Variants in LRRC7 observed in about 807,000 individuals in gnomAD.
The protein encoded by LRRC7 is leucine rich repeat containing 7.
A neutral mutation model predicts 175.7 loss-of-function variants in LRRC7; 23 were observed. That is an observed-to-expected ratio of 0.13 (90% CI 0.09 to 0.19). The LOEUF is 0.19. Ranked by LOEUF, LRRC7 falls within the 10% of genes least tolerant of loss-of-function variation. LRRC7 has a pLI of 1.00. For synonymous variants in LRRC7, 685 were observed against 680.9 expected, an observed-to-expected ratio of 1.01 and a Z score of -0.09; for missense variants, 1,354 against 1,904.7, an observed-to-expected ratio of 0.71 and a Z score of 5.38.
chr1:69,836,125 A>G (rs988082936), intron 6 of LRRC7, among the ~76,000 whole-genome samples: 1 of 152,060 alleles, frequency 6.6e-6, no homozygotes, highest in Non-Finnish European at 1.5e-5. Flanking sequence ...TGTTGACTGA[A>G]GCTCGCACAG....
intron 2 of LRRC7, among the ~76,000 whole-genome samples, chr1:69,684,699 C>T (rs998890189): frequency 2.0e-5 from 3 of 151,958 alleles, no homozygotes; most frequent in African/African-American, 7.3e-5. Flanking sequence ...GGACTGCATA[C>T]CAGAGAGGCT....
chr1:69,604,004 T>A (rs867081566), intron 1 of LRRC7, among the ~76,000 whole-genome samples: 1 of 152,110 alleles, frequency 6.6e-6, no homozygotes, highest in Non-Finnish European at 1.5e-5. Flanking sequence ...ATGAATAGTG[T>A]AAAAAATTCG....
At chr1:69,853,746 T>C (rs191353095) in intron 7 of LRRC7, among the ~76,000 whole-genome samples, 66 of 152,198 alleles carry the variant, frequency 4.3e-4, no homozygotes, top group African/African-American at 1.3e-3. Context: ...ACTCAGCTGA[T>C]TTAGGGAAGC....
chr1:69,602,111 G>T (rs1330007229), intron 1 of LRRC7, among the ~76,000 whole-genome samples: 1 of 152,176 alleles, frequency 6.6e-6, no homozygotes, highest in Non-Finnish European at 1.5e-5. Flanking sequence ...TTGAGACTCA[G>T]TTACTTTTAT....
chr1:69,762,375 C>G (rs561537065), intron 3 of LRRC7, among the ~76,000 whole-genome samples: 3 of 151,982 alleles, frequency 2.0e-5, no homozygotes, highest in Non-Finnish European at 2.9e-5. Flanking sequence ...AAAACTGAAG[C>G]ATTAGAGGCA....
intron 3 of LRRC7, among the ~76,000 whole-genome samples, chr1:69,772,379 A>G (rs2100989228): frequency 6.6e-6 from 1 of 152,238 alleles, no homozygotes; most frequent in Admixed American, 6.5e-5. Context: ...GAATGAAGGG[A>G]AGAGTGGTAC....
At chr1:69,678,500 A>G in intron 2 of LRRC7, 22 bp downstream of exon 2, 2 of 1,550,528 alleles carry the variant, frequency 1.3e-6, no homozygotes, top group Non-Finnish European at 1.8e-6. Flanking sequence ...TAATAGGATT[A>G]CCTGTGTTCT....
chr1:70,091,923 G>A (rs998866956), intron 25 of LRRC7, among the ~76,000 whole-genome samples: 5 of 152,108 alleles, frequency 3.3e-5, no homozygotes, highest in African/African-American at 7.2e-5. Context: ...GCAACTAGGA[G>A]TTCCAAATCT....
intron 7 of LRRC7, among the ~76,000 whole-genome samples, chr1:69,871,340 A>G (rs1402190141): frequency 5.9e-5 from 9 of 152,044 alleles, no homozygotes; most frequent in Non-Finnish European, 8.8e-5. Context: ...AATAATCTAT[A>G]TGCCCTATGA....
intron 2 of LRRC7, among the ~76,000 whole-genome samples, chr1:69,687,541 A>AAAAG (rs747016725): frequency 0.089 from 12,196 of 136,556 alleles, 308 homozygotes; most frequent in Non-Finnish European, 0.12. Context: ...AAAAAAAAGA[A>AAAAG]AAAAGAAAAA....
At chr1:70,022,739 G>T (rs1378698638) in intron 16 of LRRC7, among the ~76,000 whole-genome samples, 1 of 152,104 alleles carries the variant, frequency 6.6e-6, no homozygotes, top group African/African-American at 2.4e-5. Flanking sequence ...ATGATGAATA[G>T]AATATATTGT....
chr1:69,918,747 A>G (rs1646793672), intron 7 of LRRC7, among the ~76,000 whole-genome samples: 1 of 152,214 alleles, frequency 6.6e-6, no homozygotes, highest in Non-Finnish European at 1.5e-5. Flanking sequence ...ATGAAACTAT[A>G]GTGATGATAA....
At chr1:69,816,217 A>C (rs1678580636) in intron 4 of LRRC7, among the ~76,000 whole-genome samples, 1 of 151,888 alleles carries the variant, frequency 6.6e-6, no homozygotes. Flanking sequence ...ACCTCAAGCA[A>C]TCCGCCCGCC....
chr1:70,045,262 T>A lies in LRRC7; in HGVS notation c.4110+1168T>A, dbSNP rs537304104. 2.6e-5 allele frequency among the ~76,000 whole-genome samples: 4 copies of A among 152,218 alleles called. No individual in the cohort carries two copies. The East Asian group carries it at 7.7e-4, about 29-fold the overall frequency. ...GCAGGACCAGTGGAGTGCTGGTAAC[T>A]TTCTCTCCAAGGAGAAAGACAAGGC... is the stretch of plus-strand genomic sequence containing the variant. On this transcript the variant is annotated intron_variant, in intron 22 of 26. Coordinates refer to ENST00000651989, the MANE Select transcript of LRRC7 (RefSeq NM_001370785.2).
intron 2 of LRRC7, among the ~76,000 whole-genome samples, chr1:69,683,131 T>A (rs1660705191): frequency 6.6e-6 from 1 of 152,162 alleles, no homozygotes; most frequent in African/African-American, 2.4e-5. Context: ...TCCTCCAGTG[T>A]TTTCTGTCTG....
At chr1:69,905,806 A>G (rs1468179188) in intron 7 of LRRC7, among the ~76,000 whole-genome samples, 1 of 152,112 alleles carries the variant, frequency 6.6e-6, no homozygotes, top group East Asian at 1.9e-4. Context: ...TGGTATTTCT[A>G]ATTCTAGATC....
intron 1 of LRRC7, among the ~76,000 whole-genome samples, chr1:69,604,118 T>C (rs1230164212): frequency 6.6e-6 from 1 of 152,140 alleles, no homozygotes; most frequent in African/African-American, 2.4e-5. Context: ...TTTGTATGCT[T>C]TGGACTTTTT....
chr1:69,975,586 G>T (rs908876635), intron 8 of LRRC7, among the ~76,000 whole-genome samples: 5 of 152,052 alleles, frequency 3.3e-5, no homozygotes, highest in African/African-American at 1.2e-4. Flanking sequence ...TCTTTTGATT[G>T]CTCTCAGTGA....
Position 70,100,447 on chromosome 1 carries a change from T to C in LRRC7, c.4546-7305T>C, listed in dbSNP as rs568274616. On this transcript the variant is annotated intron_variant, in intron 25 of 26. Transcript: ENST00000651989. ...ATTTATTTTGCTAGAATATTACATT[T>C]CATTATATTGCCACTAAGAGATTTG... Among the ~76,000 whole-genome samples the C allele has an allele frequency of 2.6e-5, 4 of 152,244 alleles. No homozygotes were observed. The South Asian group carries it at 6.2e-4, about 24-fold the overall frequency.
Sources: gnomAD v4.1 joint callset for allele counts (sites outside exome capture counted in the v4.1 genomes callset) on GRCh38, gnomAD v4.1.1 for gene constraint, MANE v1.5 for transcripts, NCBI Gene and HGNC (gene_info 2026-07-23, HGNC 2026-07-21) for gene names.